KNG1: variants seen among roughly 807,000 people sequenced by gnomAD.
KNG1 encodes the protein kininogen-1.
Under a neutral mutation model 47.8 loss-of-function variants are expected in KNG1, and 23 were observed. That is an observed-to-expected ratio of 0.48 (90% CI 0.35 to 0.68). The LOEUF (loss-of-function observed/expected upper bound fraction) is 0.68, where lower values mean the gene tolerates loss of function less well. Among genes scored for constraint, KNG1 ranks in the 30% least tolerant of loss-of-function variants. The pLI, the probability that KNG1 is intolerant of heterozygous loss-of-function variation, is 0.01. For missense variants in KNG1, 762 were observed against 790.2 expected, an observed-to-expected ratio of 0.96 and a Z score of 0.43; for synonymous variants, 277 against 277.0, an observed-to-expected ratio of 1.00 and a Z score of 0.00.
Position 186,739,164 on chromosome 3 carries a change from T to C in KNG1, c.996T>C (p.Ser332=). ...VARETTCSKE[S]NEELTESCET... is the part of the protein sequence containing the mutation. The stretch of plus-strand genomic sequence containing the variant: ...GGGAAACCACATGTTCCAAGGAAAG[T>C]AATGAAGAGTTGACCGAAAGCTGTG... Residue 332 remains serine (S), a synonymous_variant, in exon 8 of 10, where the codon AGT becomes AGC. Coordinates refer to ENST00000644859, the MANE Select transcript of KNG1 (RefSeq NM_001102416.3). The C allele has an allele frequency of 6.2e-7, 1 of 1,614,216 alleles. No individual in the cohort carries two copies. Among genetic ancestry groups the C allele is most frequent in the Non-Finnish European group, 8.5e-7 (1 of 1,180,034 alleles).
In KNG1 at chr3:186,743,626, C is replaced by T; in HGVS notation, c.*1295C>T. On this transcript the variant is annotated 3_prime_UTR_variant, in exon 10 of 10. Transcript: ENST00000644859. ...CCACAGATGTCAGGAAAAAGTCTTA[C>T]CTTGTCAACTGGTTGCTCCACTTTT... is the stretch of plus-strand genomic sequence containing the variant. 1 of 1,035,186 alleles carries T rather than the reference C, an allele frequency of 9.7e-7. No homozygotes were observed. The highest frequency in any genetic ancestry group is 1.3e-5 in the South Asian group (1 of 75,826). The allele number at this position is 1,035,186 out of a possible 1,614,324, so 64.1% of individuals were successfully genotyped here. A position where few individuals can be genotyped will look rare whatever the true frequency, so the allele number is the denominator to read the frequency against.
rs1720878253 is a variant in KNG1, at chr3:186,743,911, G to A, written c.*1580G>A. 8.1e-6 allele frequency: 6 copies of A among 738,326 alleles called. No homozygotes were observed. The South Asian group carries it at 8.8e-5, about 11-fold the overall frequency. The allele number at this position is 738,326 out of a possible 1,614,324, so 45.7% of individuals were successfully genotyped here. A position where few individuals can be genotyped will look rare whatever the true frequency, so the allele number is the denominator to read the frequency against. ...GAGAAGAATGCCATTTTATCACTCT[G>A]CCTCTGGGTGAAATAAAGATCAGTC... On this transcript the variant is annotated 3_prime_UTR_variant, in exon 10 of 10. Transcript: ENST00000644859.
At chr3:186,730,638 A>G (rs11917445) in intron 5 of KNG1, among the ~76,000 whole-genome samples, 3,303 of 132,426 alleles carry the variant, frequency 0.025, 143 homozygotes, top group African/African-American at 0.092. Flanking sequence ...CCTTGGCGAC[A>G]AAGAGAGACT....
chr3:186,723,114 T>C, intron 3 of KNG1, among the ~76,000 whole-genome samples: 1 of 134,892 alleles, frequency 7.4e-6, no homozygotes, highest in East Asian at 2.1e-4. Flanking sequence ...TGTATTATCT[T>C]CTTTTTCTTT....
intron 4 of KNG1, among the ~76,000 whole-genome samples, chr3:186,725,742 C>T (rs547275980): frequency 3.8e-4 from 57 of 150,240 alleles, no homozygotes; most frequent in African/African-American, 1.1e-3. Flanking sequence ...TTAGTAGAGG[C>T]GGGGTTTCAC....
rs1466362979 is a variant in KNG1 at position 186,741,665 on chromosome 3, A to G, written c.1269A>G (p.Gln423=). The change falls in exon 10 of 10, where the codon CAA becomes CAG. Residue 423 remains glutamine (Q), a synonymous_variant. Transcript: ENST00000644859. ...AAGAGCGGGATTCAGGAAAAGAACA[A>G]GGGCATACTCGTAGACATGACTGGG... The part of the protein sequence containing the change: ...QDEERDSGKE[Q]GHTRRHDWGH... 1 of 1,614,252 alleles carries G rather than the reference A, an allele frequency of 6.2e-7. No homozygotes were observed.
At chr3:186,719,907 T>C (rs376064958) in intron 1 of KNG1, among the ~76,000 whole-genome samples, 198 bp from the exon 2 acceptor site, 10 of 152,348 alleles carry the variant, frequency 6.6e-5, no homozygotes, top group African/African-American at 2.4e-4. Context: ...TACTGCTTTG[T>C]AACCTTTAAA....
At chr3:186,733,333 T>TATA (rs1720589033) in intron 7 of KNG1, among the ~76,000 whole-genome samples, 1 of 152,216 alleles carries the variant, frequency 6.6e-6, no homozygotes, top group South Asian at 2.1e-4. Flanking sequence ...ACTTACGCTA[T>TATA]GTCTTTCTGG....
At chr3:186,733,497 G>A (rs1267095179) in intron 7 of KNG1, among the ~76,000 whole-genome samples, 1 of 151,972 alleles carries the variant, frequency 6.6e-6, no homozygotes, top group Admixed American at 6.6e-5. Context: ...TACCCTCTGG[G>A]GATTCATCTC....
At position 186,742,264 on chromosome 3, in the gene KNG1, G is replaced by A; in HGVS notation, c.1868G>A (p.Ser623Asn). The A allele has an allele frequency of 1.2e-6, 2 of 1,614,168 alleles. No homozygotes were observed. Among genetic ancestry groups the A allele is most frequent in the Non-Finnish European group, 8.5e-7 (1 of 1,180,032 alleles). The change falls in exon 10 of 10, where the codon AGT becomes AAT. Residue 623 changes from serine (S) to asparagine (N), a missense_variant. Ser to Asn is a conservative substitution (Grantham distance 46). Coordinates refer to ENST00000644859, the MANE Select transcript of KNG1 (RefSeq NM_001102416.3). ...CCTGGACGCCCCTGGAAGTCAGTTA[G>A]TGAAATTAATCCAACCACACAAATG... is the stretch of plus-strand genomic sequence containing the variant. ...KCPGRPWKSV[S>N]EINPTTQMKE...
At position 186,720,184 on chromosome 3, in the gene KNG1, A is replaced by G; in HGVS notation, c.275A>G (p.Gln92Arg). Residue 92 changes from glutamine (Q) to arginine (R), a missense_variant, in exon 2 of 10, where the codon CAG (glutamine) becomes CGG (arginine). By Grantham distance (43) the Gln-to-Arg change is conservative (BLOSUM62 1). Transcript: ENST00000644859. ...DCPVQSGKTWQDCEYKDAAKA... is the reference protein window; with the variant it reads ...DCPVQSGKTWRDCEYKDAAKA... ...CCTGTTCAAAGTGGCAAAACCTGGCAGGACTGTGAGTACAAGGATGCTGCA... is the reference window on the plus strand; with the variant it reads ...CCTGTTCAAAGTGGCAAAACCTGGCGGGACTGTGAGTACAAGGATGCTGCA... 1 of 1,613,030 alleles carries G rather than the reference A, an allele frequency of 6.2e-7. No homozygotes were observed. The highest frequency in any genetic ancestry group is 8.5e-7 in the Non-Finnish European group (1 of 1,179,004).
rs1720822446 is a variant in KNG1 at position 186,741,862 on chromosome 3, A to G, written c.1466A>G (p.His489Arg). ...GATGATCTTGAACACCAAGGGGGCC[A>G]TGTCCTTGACCATGGACATAAGCAT... ...LDDDLEHQGGHVLDHGHKHKH... is the reference protein window; with the variant it reads ...LDDDLEHQGGRVLDHGHKHKH... Residue 489 changes from histidine (H) to arginine (R), a missense_variant, in exon 10 of 10, where the codon CAT becomes CGT. Physicochemically the swap from His to Arg is conservative, Grantham distance 29. Coordinates refer to ENST00000644859, the MANE Select transcript of KNG1 (RefSeq NM_001102416.3). 1.2e-6 allele frequency: 2 copies of G among 1,613,772 alleles called. No homozygotes were observed. Among genetic ancestry groups the G allele is most frequent in the Non-Finnish European group, 1.7e-6 (2 of 1,179,836 alleles).
At chr3:186,719,844 G>T (rs1479796659) in intron 1 of KNG1, among the ~76,000 whole-genome samples, 1 of 152,004 alleles carries the variant, frequency 6.6e-6, no homozygotes, top group Non-Finnish European at 1.5e-5. Flanking sequence ...ACTTTTAAAA[G>T]ACATAGATTT....
chr3:186,739,241 GA>G (rs757815197), intron 8 of KNG1, 35 bp downstream of exon 8: 192 of 1,589,608 alleles, frequency 1.2e-4, no homozygotes, highest in Non-Finnish European at 1.6e-4. Context: ...TTTTTCACTG[GA>G]AGCCTATTTG....
rs1199683369 is a variant in KNG1, at chr3:186,731,527, A to AAAAAC, written c.673-18_673-17insAAAAC. 4 of 1,533,114 alleles carry AAAAAC rather than the reference A, an allele frequency of 2.6e-6. No homozygotes were observed. The South Asian group carries it at 4.5e-5, about 17-fold the overall frequency. The allele number at this position is 1,533,114 out of a possible 1,614,324, so 95.0% of individuals were successfully genotyped here. A position where few individuals can be genotyped will look rare whatever the true frequency, so the allele number is the denominator to read the frequency against. On this transcript the variant is annotated splice_polypyrimidine_tract_variant and intron_variant, in intron 5 of 9. Coordinates refer to ENST00000644859, the MANE Select transcript of KNG1 (RefSeq NM_001102416.3). ...AAAATGTTTTTAACTGAGCACTTAT[A>AAAAAC]TGCTTTTTAAAAACCAGGATACCGG...
At position 186,744,031 on chromosome 3, in the gene KNG1, G is replaced by C. The variant is rs1720880179; in HGVS notation, c.*1700G>C. ...GTCAGAGAGTCAGTGCTGTGGCTCTGCCATGGAGGCTCATAACCCAACACT... is the reference window on the plus strand; with the variant it reads ...GTCAGAGAGTCAGTGCTGTGGCTCTCCCATGGAGGCTCATAACCCAACACT... On this transcript the variant is annotated 3_prime_UTR_variant, in exon 10 of 10. Transcript: ENST00000644859. 1.8e-6 allele frequency: 1 copy of C among 541,788 alleles called. No homozygotes were observed. The highest frequency in any genetic ancestry group is 2.9e-5 in the Admixed American group (1 of 34,482). The allele number at this position is 541,788 out of a possible 1,614,324, so 33.6% of individuals were successfully genotyped here.
intron 7 of KNG1, among the ~76,000 whole-genome samples, chr3:186,735,146 T>C (rs1451826285): frequency 1.3e-5 from 2 of 152,222 alleles, no homozygotes; most frequent in African/African-American, 4.8e-5. Flanking sequence ...TTTATATTTC[T>C]GCTTTCTTGT....
chr3:186,726,905 C>A (rs1720387208), intron 4 of KNG1, among the ~76,000 whole-genome samples: 1 of 152,158 alleles, frequency 6.6e-6, no homozygotes, highest in Admixed American at 6.6e-5. Context: ...TTTCTCTCTG[C>A]AGCCTGGCAG....
chr3:186,739,220 C>T lies in KNG1; in HGVS notation c.1038+14C>T, dbSNP rs745452895. ...AAAAAACTTGGCGTGAGTAGTCATGCACCTGTCTACTTTTTCACTGGAAGC... is the reference window on the plus strand; with the variant it reads ...AAAAAACTTGGCGTGAGTAGTCATGTACCTGTCTACTTTTTCACTGGAAGC... On this transcript the variant is annotated intron_variant, in intron 8 of 9. Coordinates refer to ENST00000644859, the MANE Select transcript of KNG1 (RefSeq NM_001102416.3). 18 of 1,594,164 alleles carry T rather than the reference C, an allele frequency of 1.1e-5. No homozygotes were observed. Among genetic ancestry groups the T allele is most frequent in the Non-Finnish European group, 1.5e-5 (18 of 1,161,826 alleles).
Sources: allele counts gnomAD v4.1 joint callset (sites outside exome capture counted in the v4.1 genomes callset), GRCh38; gene constraint gnomAD v4.1.1; transcripts MANE v1.5; gene names NCBI Gene and HGNC (gene_info 2026-07-23, HGNC 2026-07-21).